The following FADD variants were observed in gnomAD, a reference collection of about 807,000 sequenced individuals.
FADD encodes Fas associated via death domain.
Under a neutral mutation model 5.8 loss-of-function variants are expected in FADD, and 3 were observed. The ratio of observed to expected loss-of-function variants is 0.52; its 90% confidence interval spans 0.24 to 1.34. FADD has a LOEUF of 1.34. Ranked by LOEUF, FADD falls within the 40% of genes most tolerant of loss-of-function variation. The pLI is 0.17. For synonymous variants in FADD, 138 were observed against 130.8 expected (o/e 1.06, Z -0.38); for missense variants, 249 against 286.7 (o/e 0.87, Z 0.95).
Position 70,203,339 on chromosome 11 carries a change from G to T in FADD, c.-121G>T, listed in dbSNP as rs1036430836. 8.0e-6 allele frequency: 12 copies of T among 1,506,334 alleles called. No homozygotes were observed. The East Asian group carries it at 1.2e-4, about 16-fold the overall frequency. The allele number at this position is 1,506,334 out of a possible 1,614,324, so 93.3% of individuals were successfully genotyped here. ...TAGTGAATCAGGCACCGGAGTGCAGGTTCGGGGGTGGAATCCTTGGGCCGC... is the reference window on the plus strand; with the variant it reads ...TAGTGAATCAGGCACCGGAGTGCAGTTTCGGGGGTGGAATCCTTGGGCCGC... On this transcript the variant is annotated 5_prime_UTR_variant, in exon 1 of 2. Transcript: ENST00000301838.
chr11:70,206,048 C>T (rs971413127), intron 1 of FADD, 85 bp from the exon 2 acceptor site: 40 of 1,160,606 alleles, frequency 3.4e-5, no homozygotes, highest in Non-Finnish European at 5.0e-5. Flanking sequence ...CAGCACTTGG[C>T]GTCTGTGCTG....
intron 1 of FADD, 79 bp downstream of exon 1, chr11:70,203,824 C>G (rs2049440636): frequency 1.6e-6 from 1 of 619,242 alleles, no homozygotes; most frequent in Non-Finnish European, 2.4e-6. Context: ...CGGTTGGCCT[C>G]CAGGCGCCTC....
chr11:70,205,311 CA>C (rs1298218528), intron 1 of FADD, among the ~76,000 whole-genome samples: 1 of 152,198 alleles, frequency 6.6e-6, no homozygotes, highest in Non-Finnish European at 1.5e-5. Flanking sequence ...GTATGGTAGC[CA>C]GGGACTGAAG....
At chr11:70,204,105 C>G (rs540013575) in intron 1 of FADD, among the ~76,000 whole-genome samples, 1 of 152,326 alleles carries the variant, frequency 6.6e-6, no homozygotes, top group East Asian at 1.9e-4. Flanking sequence ...TCACGGCTGT[C>G]TGAGAGTAAT....
Position 70,203,433 on chromosome 11 carries a change from C to T in FADD, c.-27C>T, listed in dbSNP as rs1476167619. On this transcript the variant is annotated 5_prime_UTR_variant, in exon 1 of 2. Coordinates refer to ENST00000301838, the MANE Select transcript of FADD (RefSeq NM_003824.4). ...AGAGGGCGCACGGAGGGCCGGGCCGCAGCCCCGGCCGCTTGCAGACCCCGC... is the reference window on the plus strand; with the variant it reads ...AGAGGGCGCACGGAGGGCCGGGCCGTAGCCCCGGCCGCTTGCAGACCCCGC... 1.3e-6 allele frequency: 2 copies of T among 1,553,248 alleles called. No individual in the cohort carries two copies. The highest frequency in any genetic ancestry group is 4.9e-5 in the East Asian group (2 of 41,144).
At chr11:70,204,037 G>A (rs1046367844) in intron 1 of FADD, among the ~76,000 whole-genome samples, 13 of 152,200 alleles carry the variant, frequency 8.5e-5, no homozygotes, top group Non-Finnish European at 1.6e-4. Flanking sequence ...GTGGGGGAGG[G>A]GCAGAGGTTG....
chr11:70,203,803 C>A, intron 1 of FADD, 58 bp downstream of exon 1: 1 of 852,346 alleles, frequency 1.2e-6, no homozygotes, highest in Non-Finnish European at 1.6e-6. Context: ...GTAGGTGCTG[C>A]GAGGCTCCTC....
Position 70,203,456 on chromosome 11 carries a change from CG to C in FADD, c.-3del. 6.4e-7 allele frequency: 1 copy of C among 1,570,620 alleles called. No homozygotes were observed. Among genetic ancestry groups the C allele is most frequent in the Non-Finnish European group, 8.6e-7 (1 of 1,158,282 alleles). On this transcript the variant is annotated 5_prime_UTR_variant, in exon 1 of 2. Coordinates refer to ENST00000301838, the MANE Select transcript of FADD (RefSeq NM_003824.4). ...CGCAGCCCCGGCCGCTTGCAGACCC[CG>C]CCATGGACCCGTTCCTGGTGCTGCT... is the stretch of plus-strand genomic sequence containing the variant.
At chr11:70,205,849 T>A (rs2049455594) in intron 1 of FADD, among the ~76,000 whole-genome samples, 1 of 152,138 alleles carries the variant, frequency 6.6e-6, no homozygotes, top group Non-Finnish European at 1.5e-5. Context: ...CTGCTCTAAG[T>A]AGGTAGCTCC....
rs780381115 is a variant in FADD at position 70,203,537 on chromosome 11, A to G, written c.78A>G (p.Leu26=). ...GCGAGCTGACCGAGCTCAAGTTCCTATGCCTCGGGCGCGTGGGCAAGCGCA... is the reference window on the plus strand; with the variant it reads ...GCGAGCTGACCGAGCTCAAGTTCCTGTGCCTCGGGCGCGTGGGCAAGCGCA... ...SSSELTELKF[L]CLGRVGKRKL... The change falls in exon 1 of 2, where the codon CTA becomes CTG. Residue 26 remains leucine, a synonymous_variant. Coordinates refer to ENST00000301838, the MANE Select transcript of FADD (RefSeq NM_003824.4). The G allele has an allele frequency of 1.1e-4, 176 of 1,611,822 alleles. No individual in the cohort carries two copies. Among genetic ancestry groups the G allele is most frequent in the Admixed American group, 1.7e-4 (10 of 59,944 alleles).
chr11:70,203,463 G>A lies in FADD; in HGVS notation c.4G>A (p.Asp2Asn). Residue 2 changes from aspartate to asparagine, a missense_variant, in exon 1 of 2, where the codon GAC becomes AAC. Physicochemically the swap from Asp to Asn is conservative, Grantham distance 23. Transcript: ENST00000301838. M[D>N]PFLVLLHSVS... ...CCGGCCGCTTGCAGACCCCGCCATG[G>A]ACCCGTTCCTGGTGCTGCTGCACTC... 1 of 1,577,660 alleles carries A rather than the reference G, an allele frequency of 6.3e-7. No individual in the cohort carries two copies. Among genetic ancestry groups the A allele is most frequent in the African/African-American group, 1.3e-5 (1 of 74,126 alleles).
rs752194773 is a variant in FADD, at chr11:70,206,464, A to G, written c.618A>G (p.Glu206=). 6.2e-7 allele frequency: 1 copy of G among 1,613,602 alleles called. No individual in the cohort carries two copies. The highest frequency in any genetic ancestry group is 8.5e-7 in the Non-Finnish European group (1 of 1,179,870). The change falls in exon 2 of 2, where the codon GAA becomes GAG. Residue 206 remains glutamate, a synonymous_variant. Transcript: ENST00000301838. ...GGAACTCAGACGCATCTACCTCCGA[A>G]GCGTCCTGATGGGCCGCTGCTTTGC... The part of the protein sequence containing the change: ...MSWNSDASTS[E]AS
chr11:70,205,439 C>G (rs1213063355), intron 1 of FADD, among the ~76,000 whole-genome samples: 2 of 152,170 alleles, frequency 1.3e-5, no homozygotes, highest in African/African-American at 4.8e-5. Context: ...AAATCTACCC[C>G]CTCAATCTGG....
At chr11:70,204,197 C>G (rs1238692944) in intron 1 of FADD, among the ~76,000 whole-genome samples, 1 of 152,220 alleles carries the variant, frequency 6.6e-6, no homozygotes, top group African/African-American at 2.4e-5. Flanking sequence ...TTCGCAGTAG[C>G]CCTGTGGCTT....
At chr11:70,203,823 T>C in intron 1 of FADD, 78 bp downstream of exon 1, 3 of 618,784 alleles carry the variant, frequency 4.8e-6, no homozygotes, top group Non-Finnish European at 7.3e-6. Context: ...CCGGTTGGCC[T>C]CCAGGCGCCT....
chr11:70,203,870 G>C (rs897967053), intron 1 of FADD, 125 bp downstream of exon 1: 2 of 461,890 alleles, frequency 4.3e-6, no homozygotes, highest in Non-Finnish European at 7.3e-6. Context: ...GGTTTTCTCC[G>C]TACAGCCCTG....
intron 1 of FADD, among the ~76,000 whole-genome samples, chr11:70,205,295 TGAG>T (rs1402699791): frequency 9.2e-5 from 14 of 152,186 alleles, no homozygotes; most frequent in South Asian, 2.1e-4. Flanking sequence ...CGTCAGCAGA[TGAG>T]GAGTATGGTA....
Position 70,206,590 on chromosome 11 carries a change from C to A in FADD, c.*117C>A. 1.1e-6 allele frequency: 1 copy of A among 897,102 alleles called. No individual in the cohort carries two copies. Among genetic ancestry groups the A allele is most frequent in the Non-Finnish European group, 1.8e-6 (1 of 567,580 alleles). The allele number at this position is 897,102 out of a possible 1,614,324, so 55.6% of individuals were successfully genotyped here. A position where few individuals can be genotyped will look rare whatever the true frequency, so the allele number is the denominator to read the frequency against. ...CAGCAGGAAGCCAGGCTGAGTGAGC[C>A]ACAGACCACCTGCTTCTGAACTCAA... is the stretch of plus-strand genomic sequence containing the variant. On this transcript the variant is annotated 3_prime_UTR_variant, in exon 2 of 2. Coordinates refer to ENST00000301838, the MANE Select transcript of FADD (RefSeq NM_003824.4).
intron 1 of FADD, among the ~76,000 whole-genome samples, chr11:70,205,502 G>A (rs2049452383): frequency 6.6e-6 from 1 of 152,208 alleles, no homozygotes; most frequent in Non-Finnish European, 1.5e-5. Context: ...CCCTCGGAAT[G>A]CTGTTGGGGA....
Sources: gnomAD v4.1 joint callset for allele counts (sites outside exome capture counted in the v4.1 genomes callset) on GRCh38, gnomAD v4.1.1 for gene constraint, MANE v1.5 for transcripts, NCBI Gene and HGNC (gene_info 2026-07-23, HGNC 2026-07-21) for gene names.